Variants in GALNT10 observed in about 807,000 individuals in gnomAD.
The protein encoded by GALNT10 is GalNAc transferase 10.
Under a neutral mutation model 75.0 loss-of-function variants are expected in GALNT10, and 41 were observed. The observed-to-expected ratio is 0.55, with a 90% CI of 0.43 to 0.71. GALNT10 has a LOEUF of 0.71. Ranked by LOEUF, GALNT10 falls within the 30% of genes least tolerant of loss-of-function variation. The pLI, the probability that GALNT10 is intolerant of heterozygous loss-of-function variation, is 0.00. For missense variants in GALNT10, 727 were observed against 818.5 expected, an observed-to-expected ratio of 0.89 and a Z score of 1.36; for synonymous variants, 302 against 313.0, an observed-to-expected ratio of 0.96 and a Z score of 0.37.
rs568736890 is a variant in GALNT10 at position 154,417,914 on chromosome 5, C to T, written c.*942C>T. On this transcript the variant is annotated 3_prime_UTR_variant, in exon 12 of 12. Transcript: ENST00000297107. ...GAACAGAGGTGCTGCGAGGTGCTCA[C>T]CTCACAGAGTCTGGAGGCCTCCAGG... 6.6e-6 allele frequency: 1 copy of T among 152,348 alleles called. No individual in the cohort carries two copies. Among genetic ancestry groups the T allele is most frequent in the African/African-American group, 2.4e-5 (1 of 41,558 alleles). The allele number at this position is 152,348 out of a possible 1,614,324, so 9.4% of individuals were successfully genotyped here.
chr5:154,243,535 C>T (rs1008890932), intron 1 of GALNT10, among the ~76,000 whole-genome samples: 6 of 151,856 alleles, frequency 4.0e-5, no homozygotes, highest in Admixed American at 3.3e-4. Flanking sequence ...GATTTGACTG[C>T]TGTTCTGCCA....
chr5:154,417,153 G>C lies in GALNT10; in HGVS notation c.*181G>C. 1.7e-6 allele frequency: 1 copy of C among 604,480 alleles called. No individual in the cohort carries two copies. Among genetic ancestry groups the C allele is most frequent in the Non-Finnish European group, 2.9e-6 (1 of 341,096 alleles). The allele number at this position is 604,480 out of a possible 1,614,324, so 37.4% of individuals were successfully genotyped here. ...CCTGGTCCTTGAGCCCCTGAGTTGT[G>C]GGGGTAGGGTGAAGAGCATATCCCA... On this transcript the variant is annotated 3_prime_UTR_variant, in exon 12 of 12. Transcript: ENST00000297107.
At chr5:154,386,489 T>C (rs1554101327) in intron 7 of GALNT10, 59 bp downstream of exon 7, 3 of 1,062,750 alleles carry the variant, frequency 2.8e-6, no homozygotes, top group Non-Finnish European at 4.4e-6. Flanking sequence ...CCTGTCCCAG[T>C]AGGTGTCTCA....
chr5:154,420,924 A>T lies in GALNT10; in HGVS notation c.*3952A>T, dbSNP rs1397908494. 3.3e-5 allele frequency: 5 copies of T among 152,236 alleles called. No homozygotes were observed. Among genetic ancestry groups the T allele is most frequent in the African/African-American group, 1.2e-4 (5 of 41,456 alleles). The allele number at this position is 152,236 out of a possible 1,614,324, so 9.4% of individuals were successfully genotyped here. A position where few individuals can be genotyped will look rare whatever the true frequency, so the allele number is the denominator to read the frequency against. ...AAAAATAAGCCTTTGTGAAAGACTG[A>T]TTTACCATGTACAATTGTGATTGTG... On this transcript the variant is annotated 3_prime_UTR_variant, in exon 12 of 12. Coordinates refer to ENST00000297107, the MANE Select transcript of GALNT10 (RefSeq NM_198321.4).
In GALNT10 at chr5:154,376,462, G is replaced by A; in HGVS notation, c.754G>A (p.Asp252Asn). 6.4e-7 allele frequency: 1 copy of A among 1,566,808 alleles called. No homozygotes were observed. The highest frequency in any genetic ancestry group is 8.6e-7 in the Non-Finnish European group (1 of 1,161,502). ...TGTCAACTGGCTTCCCCCCTTGCTT[G>A]GTAAGGGAGCCCCTCCCACTTGGAG... ...ANVNWLPPLL[D>N]RIARNRKTIV... is the part of the protein sequence containing the mutation. Residue 252 changes from aspartate (D) to asparagine (N), a missense_variant and splice_region_variant, in exon 5 of 12, where the codon GAC (aspartate) becomes AAC (asparagine). Asp to Asn is a conservative substitution (Grantham distance 23, BLOSUM62 1). Coordinates refer to ENST00000297107, the MANE Select transcript of GALNT10 (RefSeq NM_198321.4). The surrounding 1 kb of genome is among the most constrained non-coding windows in gnomAD (Gnocchi z 4.1).
At chr5:154,326,333 C>T (rs1403969900) in intron 3 of GALNT10, among the ~76,000 whole-genome samples, 1 of 152,156 alleles carries the variant, frequency 6.6e-6, no homozygotes, top group Non-Finnish European at 1.5e-5. Flanking sequence ...TTTGGAAAAT[C>T]ATTTGACAGG....
At chr5:154,349,196 C>A (rs1755171018) in intron 4 of GALNT10, among the ~76,000 whole-genome samples, 2 of 151,932 alleles carry the variant, frequency 1.3e-5, no homozygotes, top group South Asian at 4.2e-4. Context: ...AAGGGAACAG[C>A]ATAAGCAAAA....
chr5:154,339,621 C>CTCTT (rs1754999326), intron 4 of GALNT10, among the ~76,000 whole-genome samples: 1 of 151,522 alleles, frequency 6.6e-6, no homozygotes, highest in African/African-American at 2.4e-5. Flanking sequence ...GAATCAAAAG[C>CTCTT]TCCAATGTTT....
chr5:154,366,075 A>G (rs1186776887), intron 4 of GALNT10, among the ~76,000 whole-genome samples: 1 of 152,224 alleles, frequency 6.6e-6, no homozygotes, highest in African/African-American at 2.4e-5. Context: ...TTAGACAATC[A>G]TGTCATCAAC....
At position 154,298,884 on chromosome 5, in the gene GALNT10, T is replaced by C. The variant is rs1407660444; in HGVS notation, c.401+805T>C. Among the ~76,000 whole-genome samples the C allele has an allele frequency of 1.3e-5, 2 of 152,152 alleles. No individual in the cohort carries two copies. Reference sequence around the variant, plus strand: ...GATATTGAGGCCTCAAAGCTGTTGATTCAGTAGGTCTGGATGGGGGCCCAA... The same window carrying C: ...GATATTGAGGCCTCAAAGCTGTTGACTCAGTAGGTCTGGATGGGGGCCCAA... On this transcript the variant is annotated intron_variant, in intron 3 of 11. Coordinates refer to ENST00000297107, the MANE Select transcript of GALNT10 (RefSeq NM_198321.4). This position sits in a 1 kb window ranked among gnomAD's most constrained non-coding sequence, Gnocchi z 4.1.
chr5:154,260,081 T>A (rs779418546), intron 1 of GALNT10, among the ~76,000 whole-genome samples: 1 of 152,176 alleles, frequency 6.6e-6, no homozygotes, highest in Non-Finnish European at 1.5e-5. Context: ...TTGTGGATGT[T>A]TTGTTTGTTT....
intron 2 of GALNT10, 138 bp from the exon 3 acceptor site, chr5:154,297,803 A>ACCCT: frequency 5.4e-6 from 1 of 184,112 alleles, no homozygotes; most frequent in Non-Finnish European, 1.2e-5. Flanking sequence ...CTTTGTACTG[A>ACCCT]GCAAAAACTG....
chr5:154,236,419 A>G (rs1381136376), intron 1 of GALNT10, among the ~76,000 whole-genome samples: 1 of 152,178 alleles, frequency 6.6e-6, no homozygotes, highest in Non-Finnish European at 1.5e-5. Context: ...TACTTTCCAT[A>G]TTTTGGTCAT....
At chr5:154,367,986 T>A (rs901207262) in intron 4 of GALNT10, among the ~76,000 whole-genome samples, 2 of 152,242 alleles carry the variant, frequency 1.3e-5, no homozygotes, top group African/African-American at 4.8e-5. Flanking sequence ...ATGATCAAGA[T>A]GGCCTAGGTT....
At chr5:154,271,034 A>G (rs1283990229) in intron 1 of GALNT10, among the ~76,000 whole-genome samples, 1 of 151,728 alleles carries the variant, frequency 6.6e-6, no homozygotes, top group Non-Finnish European at 1.5e-5. Context: ...TGGCCAGTCT[A>G]AATTCATTTG....
Position 154,416,963 on chromosome 5 carries a change from T to A in GALNT10, c.1803T>A (p.Asn601Lys). The A allele has an allele frequency of 6.2e-7, 1 of 1,614,082 alleles. No individual in the cohort carries two copies. Among genetic ancestry groups the A allele is most frequent in the South Asian group, 1.1e-5 (1 of 91,076 alleles). ...ACTCAACAGTCTTGGAAAAATTCAA[T>A]AGGAACTGAGCCCTCATGTCCCCTT... is the stretch of plus-strand genomic sequence containing the variant. ...HTNSTVLEKFNRN is the reference protein window; with the variant it reads ...HTNSTVLEKFKRN The change falls in exon 12 of 12, where the codon AAT (asparagine) becomes AAA (lysine). Residue 601 changes from asparagine (N) to lysine (K), a missense_variant. By Grantham distance (94) the Asn-to-Lys change is moderately conservative. Coordinates refer to ENST00000297107, the MANE Select transcript of GALNT10 (RefSeq NM_198321.4). The surrounding 1 kb of genome is among the most constrained non-coding windows in gnomAD (Gnocchi z 4.5).
At chr5:154,258,872 T>A (rs1411797589) in intron 1 of GALNT10, among the ~76,000 whole-genome samples, 2 of 152,174 alleles carry the variant, frequency 1.3e-5, no homozygotes, top group African/African-American at 4.8e-5. Flanking sequence ...TTCTCATGAA[T>A]GGTGATTAAA....
chr5:154,288,811 T>C (rs1304462917), intron 1 of GALNT10, among the ~76,000 whole-genome samples: 3 of 152,256 alleles, frequency 2.0e-5, no homozygotes, highest in Admixed American at 6.5e-5. Flanking sequence ...TATTAAGTGA[T>C]TGCTATTGCA....
intron 1 of GALNT10, among the ~76,000 whole-genome samples, chr5:154,229,551 A>G (rs1351664907): frequency 6.6e-6 from 1 of 150,960 alleles, no homozygotes; most frequent in Non-Finnish European, 1.5e-5. Flanking sequence ...ACATGGTGAA[A>G]CCCCATCTCT....
Sources: gnomAD v4.1 joint callset for allele counts (sites outside exome capture counted in the v4.1 genomes callset) on GRCh38, gnomAD v4.1.1 for gene constraint, Gnocchi (gnomAD v3.1) non-coding constraint, MANE v1.5 for transcripts, NCBI Gene and HGNC (gene_info 2026-07-23, HGNC 2026-07-21) for gene names.